The following TRAPPC13 variants were observed in gnomAD, a reference collection of about 807,000 sequenced individuals.
TRAPPC13 encodes REV7-interacting novel NHEJ regulator 1.
Under a neutral mutation model 54.0 loss-of-function variants are expected in TRAPPC13, and 39 were observed. The observed-to-expected ratio is 0.72, with a 90% CI of 0.56 to 0.94. The LOEUF is 0.94. TRAPPC13 is among the 40% of genes least tolerant of loss of function. The probability of loss-of-function intolerance (pLI) is 0.00; values close to 1 mark genes in which losing one functional copy is unlikely to be tolerated. For synonymous variants in TRAPPC13, 148 were observed against 167.7 expected (o/e 0.88, Z 0.91); for missense variants, 386 against 488.1 (o/e 0.79, Z 1.97).
intron 2 of TRAPPC13, 85 bp downstream of exon 2, chr5:65,635,454 T>C: frequency 9.1e-7 from 1 of 1,094,992 alleles, no homozygotes. Flanking sequence ...AGCCTAGCCC[T>C]GTAAATTTTA....
chr5:65,636,510 A>T (rs1316168315), intron 3 of TRAPPC13, among the ~76,000 whole-genome samples: 2 of 148,764 alleles, frequency 1.3e-5, no homozygotes, highest in Admixed American at 1.3e-4. Context: ...TTCTGTTATT[A>T]AAAAAAAAAG....
chr5:65,635,976 C>A lies in TRAPPC13; in HGVS notation c.148C>A (p.Pro50Thr), dbSNP rs1755730264. The A allele has an allele frequency of 3.7e-6, 6 of 1,600,218 alleles. No homozygotes were observed. The highest frequency in any genetic ancestry group is 5.1e-6 in the Non-Finnish European group (6 of 1,172,646). ...DLFNQLMRDD[P>T]STVNGAEVLM... Reference sequence around the variant, plus strand: ...CTTTAACCAGCTGATGAGAGATGATCCTTCAACCGTTAATGGTGCAGAAGT... The same window carrying A: ...CTTTAACCAGCTGATGAGAGATGATACTTCAACCGTTAATGGTGCAGAAGT... Residue 50 changes from proline to threonine, a missense_variant, in exon 3 of 13, where the codon CCT becomes ACT. By Grantham distance (38) the Pro-to-Thr change is conservative. Transcript: ENST00000399438.
rs1379143264 is a variant in TRAPPC13, at chr5:65,652,521, GAAAACCA to G, written c.525_531del (p.Lys175AsnfsTer12). The G allele has an allele frequency of 1.2e-6, 2 of 1,609,680 alleles. No individual in the cohort carries two copies. The highest frequency in any genetic ancestry group is 1.7e-6 in the Non-Finnish European group (2 of 1,176,680). On this transcript the variant is annotated frameshift_variant, in exon 7 of 13. Coordinates refer to ENST00000399438, the MANE Select transcript of TRAPPC13 (RefSeq NM_024941.4). LOFTEE classifies it high-confidence loss of function. Reference sequence around the variant, plus strand: ...ACCAGGTTCTCAAACCATTGGATGTGAAAACCAAATTTTACAATGCAGAGGTAAGTGT... The same window carrying G: ...ACCAGGTTCTCAAACCATTGGATGTGAATTTTACAATGCAGAGGTAAGTGT...
chr5:65,633,259 T>C lies in TRAPPC13; in HGVS notation c.47-2042T>C, dbSNP rs116669601. Among the ~76,000 whole-genome samples the C allele has an allele frequency of 2.8e-3, 423 of 152,220 alleles. 1 individual carries two copies. Among genetic ancestry groups the C allele is most frequent in the African/African-American group, 9.8e-3 (407 of 41,552 alleles). ...TGACCATGTAGGTCTATAGTCTTTA[T>C]AGTATTTTGGCTTTGATTTGAAGGA... On this transcript the variant is annotated intron_variant, in intron 1 of 12. Coordinates refer to ENST00000399438, the MANE Select transcript of TRAPPC13 (RefSeq NM_024941.4).
chr5:65,647,159 A>C lies in TRAPPC13; in HGVS notation c.405A>C (p.Glu135Asp), dbSNP rs1449092610. 6.3e-7 allele frequency: 1 copy of C among 1,585,524 alleles called. No individual in the cohort carries two copies. ...DCCIDDVIHHEVKEIGTHILV... is the reference protein window; with the variant it reads ...DCCIDDVIHHDVKEIGTHILV... ...GTATTGATGATGTCATACATCATGA[A>C]GTCAAAGAAATTGGAACACACATGT... Residue 135 changes from glutamate (E) to aspartate (D), a missense_variant, in exon 5 of 13, where the codon GAA (glutamate) becomes GAC (aspartate). Coordinates refer to ENST00000399438, the MANE Select transcript of TRAPPC13 (RefSeq NM_024941.4).
At chr5:65,647,510 A>T in intron 5 of TRAPPC13, among the ~76,000 whole-genome samples, 1 of 152,252 alleles carries the variant, frequency 6.6e-6, no homozygotes, top group African/African-American at 2.4e-5. Context: ...ACTGATGTTC[A>T]TAGTGTTTAT....
At chr5:65,659,563 TCTC>T (rs1240841553) in intron 9 of TRAPPC13, among the ~76,000 whole-genome samples, 2 of 152,068 alleles carry the variant, frequency 1.3e-5, no homozygotes, top group African/African-American at 4.8e-5. Flanking sequence ...AGAAATACTC[TCTC>T]AACATCAAAA....
At chr5:65,663,653 A>G (rs1756917183) in intron 11 of TRAPPC13, 1 of 152,214 alleles carries the variant, frequency 6.6e-6, no homozygotes, top group East Asian at 1.9e-4. Context: ...CAATGTGCAT[A>G]CTTTCATTAA....
chr5:65,650,781 A>C, intron 5 of TRAPPC13, 29 bp from the exon 6 acceptor site: 4 of 1,577,946 alleles, frequency 2.5e-6, no homozygotes, highest in Non-Finnish European at 3.5e-6. Context: ...AAAATGACTC[A>C]GAATCGTTAA....
intron 5 of TRAPPC13, among the ~76,000 whole-genome samples, chr5:65,649,390 C>A (rs1214031532): frequency 2.0e-5 from 3 of 152,196 alleles, no homozygotes; most frequent in Non-Finnish European, 2.9e-5. Context: ...TATGAGAACA[C>A]ATTAAGCATT....
intron 1 of TRAPPC13, among the ~76,000 whole-genome samples, chr5:65,633,632 C>T (rs892181815): frequency 3.3e-5 from 5 of 151,924 alleles, no homozygotes; most frequent in African/African-American, 1.2e-4. Flanking sequence ...AAAAATTTTA[C>T]AAGTTTTTAT....
intron 1 of TRAPPC13, among the ~76,000 whole-genome samples, chr5:65,632,119 G>A (rs1025079992): frequency 4.0e-5 from 6 of 151,758 alleles, no homozygotes; most frequent in Non-Finnish European, 5.9e-5. Context: ...GGTGGCATGC[G>A]ACAGTAGTCG....
chr5:65,627,061 G>A (rs1755267731), intron 1 of TRAPPC13, among the ~76,000 whole-genome samples: 1 of 146,582 alleles, frequency 6.8e-6, no homozygotes, highest in Admixed American at 6.9e-5. Flanking sequence ...GAACCTGGGA[G>A]GCAGAGGCTG....
chr5:65,646,290 G>A (rs1329759058), intron 4 of TRAPPC13, among the ~76,000 whole-genome samples: 1 of 152,088 alleles, frequency 6.6e-6, no homozygotes, highest in African/African-American at 2.4e-5. Flanking sequence ...ATGAGGTAGT[G>A]CTTTCTTAGT....
chr5:65,646,012 C>G (rs529554790), intron 4 of TRAPPC13, among the ~76,000 whole-genome samples: 1 of 152,154 alleles, frequency 6.6e-6, no homozygotes, highest in East Asian at 1.9e-4. Flanking sequence ...GTGCCAGGCA[C>G]CATGCTATAG....
Position 65,665,840 on chromosome 5 carries a change from TA to T in TRAPPC13, c.*1233del, listed in dbSNP as rs1342163355. On this transcript the variant is annotated 3_prime_UTR_variant, in exon 13 of 13. Coordinates refer to ENST00000399438, the MANE Select transcript of TRAPPC13 (RefSeq NM_024941.4). ...GAAAACAAAAGCTTAGGCTGTTAAA[TA>T]AAAGCTATTCTATTTTGGTAAGTTG... is the stretch of plus-strand genomic sequence containing the variant. The T allele has an allele frequency of 2.0e-5, 3 of 152,586 alleles. No homozygotes were observed. The highest frequency in any genetic ancestry group is 4.4e-5 in the Non-Finnish European group (3 of 67,974). 9.5% of individuals were successfully genotyped at this position (152,586 alleles called of 1,614,324 possible).
chr5:65,652,780 T>C, intron 7 of TRAPPC13: 2 of 540,904 alleles, frequency 3.7e-6, no homozygotes, highest in South Asian at 4.2e-5. Flanking sequence ...TTTATAAGGC[T>C]TTCATCTCCT....
intron 1 of TRAPPC13, chr5:65,630,496 G>A: frequency 2.2e-6 from 3 of 1,343,374 alleles, no homozygotes; most frequent in Non-Finnish European, 2.9e-6. Context: ...CTGCTTATTG[G>A]CAGCCTTCTT....
intron 4 of TRAPPC13, among the ~76,000 whole-genome samples, chr5:65,645,392 G>A (rs1032537412): frequency 6.6e-6 from 1 of 151,992 alleles, no homozygotes; most frequent in African/African-American, 2.4e-5. Flanking sequence ...CACATAATAG[G>A]TACCAAATAA....
Sources: gnomAD v4.1 joint callset for allele counts (sites outside exome capture counted in the v4.1 genomes callset) on GRCh38, gnomAD v4.1.1 for gene constraint, MANE v1.5 for transcripts, NCBI Gene and HGNC (gene_info 2026-07-23, HGNC 2026-07-21) for gene names.